Variants in ABCA13 observed in about 807,000 individuals in gnomAD.
ABCA13 encodes ATP-binding cassette sub-family A member 13.
In ABCA13, 476 loss-of-function variants were observed where a neutral mutation model predicts 478.7. The ratio of observed to expected loss-of-function variants is 0.99; its 90% confidence interval spans 0.92 to 1.07. The LOEUF is 1.07. Ranked by LOEUF, ABCA13 falls within the 50% of genes least tolerant of loss-of-function variation. ABCA13 has a pLI of 0.00. For synonymous variants in ABCA13, 2,252 were observed against 2,158.9 expected, an observed-to-expected ratio of 1.04 and a Z score of -1.20; for missense variants, 6,060 against 5,910.6, an observed-to-expected ratio of 1.03 and a Z score of -0.83.
intron 1 of ABCA13, 76 bp from the exon 2 acceptor site, chr7:48,192,883 C>T (rs1358649522): frequency 1.8e-6 from 2 of 1,142,758 alleles, no homozygotes; most frequent in African/African-American, 3.2e-5. Context: ...ATTAAAATGA[C>T]CTCCTTCAAG....
At chr7:48,580,105 T>A in intron 55 of ABCA13, 119 bp from the exon 56 acceptor site, 1 of 1,097,624 alleles carries the variant, frequency 9.1e-7, no homozygotes, top group Non-Finnish European at 1.2e-6. Context: ...TATTGTGAAA[T>A]GAACTAATTG....
At chr7:48,479,689 C>T (rs1828558076) in intron 45 of ABCA13, among the ~76,000 whole-genome samples, 1 of 152,136 alleles carries the variant, frequency 6.6e-6, no homozygotes, top group Non-Finnish European at 1.5e-5. Flanking sequence ...CTCTCTGTTC[C>T]TATGAGTTTG....
intron 15 of ABCA13, among the ~76,000 whole-genome samples, chr7:48,264,554 T>C (rs2128730297): frequency 6.6e-6 from 1 of 151,990 alleles, no homozygotes; most frequent in African/African-American, 2.4e-5. Context: ...TATCTTTTCA[T>C]GGACTTCTAT....
chr7:48,571,984 C>A (rs1787698732), intron 55 of ABCA13, among the ~76,000 whole-genome samples: 2 of 152,094 alleles, frequency 1.3e-5, no homozygotes, highest in South Asian at 4.1e-4. Flanking sequence ...TCAACAGCAG[C>A]CTGCCCAACG....
chr7:48,367,854 T>C lies in ABCA13; in HGVS notation c.10749T>C (p.Ser3583=), dbSNP rs1217172849. ...PLIMMLTWMV[S]VASMVRKLVY... ...TAATGATGCTGACGTGGATGGTGTC[T>C]GTGGCCAGCATGGTCAGAAAGTTGG... Residue 3583 remains serine (S), a synonymous_variant, in exon 32 of 62, where the codon TCT becomes TCC. Coordinates refer to ENST00000435803, the MANE Select transcript of ABCA13 (RefSeq NM_152701.5). The C allele has an allele frequency of 1.9e-6, 3 of 1,583,014 alleles. No individual in the cohort carries two copies. The highest frequency in any genetic ancestry group is 2.6e-6 in the Non-Finnish European group (3 of 1,163,568).
At position 48,203,264 on chromosome 7, in the gene ABCA13, C is replaced by T. The variant is rs541301188; in HGVS notation, c.287+4904C>T. Among the ~76,000 whole-genome samples, 43 of 152,288 alleles carry T rather than the reference C, an allele frequency of 2.8e-4. 1 individual carries two copies. Among genetic ancestry groups the T allele is most frequent in the African/African-American group, 6.7e-4 (28 of 41,572 alleles). On this transcript the variant is annotated intron_variant, in intron 3 of 61. Coordinates refer to ENST00000435803, the MANE Select transcript of ABCA13 (RefSeq NM_152701.5). ...GGAACTCCAGCTGGCCCGCAAGCGCCGCACGCAGCCCCGGTTCCCGCTCGC... is the reference window on the plus strand; with the variant it reads ...GGAACTCCAGCTGGCCCGCAAGCGCTGCACGCAGCCCCGGTTCCCGCTCGC...
At chr7:48,458,319 C>A (rs979120639) in intron 43 of ABCA13, among the ~76,000 whole-genome samples, 4 of 152,120 alleles carry the variant, frequency 2.6e-5, no homozygotes, top group African/African-American at 7.2e-5. Context: ...CCGTGGTAAC[C>A]CAGCACCCAT....
intron 61 of ABCA13, 24 bp downstream of exon 61, chr7:48,644,778 G>C (rs751522240): frequency 1.3e-6 from 2 of 1,542,568 alleles, no homozygotes; most frequent in Middle Eastern, 1.9e-4. Flanking sequence ...AATGATTCAG[G>C]AGGTTGAATT....
At position 48,466,985 on chromosome 7, in the gene ABCA13, G is replaced by A. The variant is rs201934902; in HGVS notation, c.12845G>A (p.Arg4282His). The A allele has an allele frequency of 2.3e-5, 37 of 1,613,972 alleles. No individual in the cohort carries two copies. In the African/African-American group the frequency reaches 3.3e-4, roughly 15 times the overall value. The part of the protein sequence containing the change: ...SSGGDNLDLT[R>H]VLLRKFRDQD... ...GGGGGCGACAACTTGGACCTCACCC[G>A]TGTGCTTCTGCGGAAGTTTAGAGAT... Residue 4282 changes from arginine (R) to histidine (H), a missense_variant, in exon 44 of 62, where the codon CGT (arginine) becomes CAT (histidine). Around this residue, in one of 3 missense-constraint regions of ABCA13, gnomAD observed 1,627 missense variants for 1,571.0 expected, o/e 1.04. Coordinates refer to ENST00000435803, the MANE Select transcript of ABCA13 (RefSeq NM_152701.5).
intron 58 of ABCA13, among the ~76,000 whole-genome samples, chr7:48,602,364 A>C (rs537845182): frequency 3.2e-4 from 49 of 152,212 alleles, no homozygotes; most frequent in African/African-American, 1.2e-3. Context: ...TAGGTCTTAC[A>C]TTTAAGTCTT....
chr7:48,448,903 C>A (rs1297179090), intron 42 of ABCA13, among the ~76,000 whole-genome samples: 1 of 152,104 alleles, frequency 6.6e-6, no homozygotes, highest in Non-Finnish European at 1.5e-5. Flanking sequence ...ACTGTAGTGG[C>A]GTGATCTTGG....
intron 59 of ABCA13, among the ~76,000 whole-genome samples, chr7:48,628,665 A>G (rs992517008): frequency 6.6e-6 from 1 of 152,196 alleles, no homozygotes. Context: ...GTTATTGTCT[A>G]TCTCTGCCCA....
chr7:48,212,167 C>T (rs1785759897), intron 3 of ABCA13, among the ~76,000 whole-genome samples: 1 of 152,158 alleles, frequency 6.6e-6, no homozygotes, highest in African/African-American at 2.4e-5. Flanking sequence ...GGTCTAAATG[C>T]TCCCTCTGTG....
intron 38 of ABCA13, 30 bp downstream of exon 38, chr7:48,392,169 C>T: frequency 3.8e-6 from 6 of 1,591,210 alleles, no homozygotes; most frequent in Non-Finnish European, 5.2e-6. Context: ...TCTGCTCCTC[C>T]TGCCTCTGCC....
rs1796726462 is a variant in ABCA13, at chr7:48,279,391, T to A, written c.8197T>A (p.Ser2733Thr). 1 of 1,598,318 alleles carries A rather than the reference T, an allele frequency of 6.3e-7. No individual in the cohort carries two copies. Among genetic ancestry groups the A allele is most frequent in the East Asian group, 2.2e-5 (1 of 44,614 alleles). Residue 2733 changes from serine to threonine, a missense_variant, in exon 18 of 62, where the codon TCT (serine) becomes ACT (threonine). By Grantham distance (58) the Ser-to-Thr change is moderately conservative (BLOSUM62 1). Around this residue, in one of 3 missense-constraint regions of ABCA13, gnomAD observed 4,423 missense variants for 4,309.1 expected, o/e 1.03. Transcript: ENST00000435803. ...ILSQNSTEIG[S>T]FLKMVICLTL... is the part of the protein sequence containing the mutation. ...ATCACAAAACAGCACAGAAATAGGA[T>A]CTTTCTTGAAAATGGTGATCTGTCT...
chr7:48,212,892 T>G (rs1447375759), intron 3 of ABCA13, among the ~76,000 whole-genome samples: 1 of 152,208 alleles, frequency 6.6e-6, no homozygotes, highest in East Asian at 1.9e-4. Flanking sequence ...ATTTGTGCTG[T>G]GTCTTTTGAA....
At chr7:48,191,639 C>T (rs1247030292) in intron 1 of ABCA13, among the ~76,000 whole-genome samples, 1 of 152,178 alleles carries the variant, frequency 6.6e-6, no homozygotes, top group African/African-American at 2.4e-5. Context: ...AACTCCTGAC[C>T]TCAAGTGATC....
At chr7:48,383,533 A>G (rs1369196374) in intron 35 of ABCA13, among the ~76,000 whole-genome samples, 1 of 152,236 alleles carries the variant, frequency 6.6e-6, no homozygotes, top group African/African-American at 2.4e-5. Flanking sequence ...CAAAATGTGA[A>G]GGTGTTCAAT....
At chr7:48,293,576 GA>G (rs1392569563) in intron 20 of ABCA13, among the ~76,000 whole-genome samples, 1 of 152,196 alleles carries the variant, frequency 6.6e-6, no homozygotes, top group East Asian at 1.9e-4. Flanking sequence ...ATTTATGGTA[GA>G]ATAGCTGTGA....
Sources: gnomAD v4.1 joint callset for allele counts (sites outside exome capture counted in the v4.1 genomes callset) on GRCh38, gnomAD v4.1.1 for gene constraint, gnomAD v4.1.1 regional missense constraint, MANE v1.5 for transcripts, NCBI Gene and HGNC (gene_info 2026-07-23, HGNC 2026-07-21) for gene names.